SPATA6L: variants seen among roughly 807,000 people sequenced by gnomAD.
SPATA6L encodes the protein spermatogenesis associated 6-like protein.
SPATA6L carries 68 observed loss-of-function variants against 49.2 expected under a neutral mutation model. The ratio of observed to expected loss-of-function variants is 1.38; its 90% confidence interval spans 1.14 to 1.69. SPATA6L has a LOEUF of 1.69. SPATA6L is among the 40% of genes most tolerant of loss of function. The pLI is 0.00. For synonymous variants in SPATA6L, 198 were observed against 165.7 expected (o/e 1.19, Z -1.50); for missense variants, 668 against 464.3 (o/e 1.44, Z -4.03).
chr9:4,656,124 G>C (rs750232256), intron 2 of SPATA6L, 35 bp from the exon 3 acceptor site: 7 of 1,575,360 alleles, frequency 4.4e-6, no homozygotes, highest in Non-Finnish European at 6.1e-6. Flanking sequence ...AATTTTCAAA[G>C]TTGTATTAAT....
intron 5 of SPATA6L, chr9:4,626,313 CCT>C (rs1183837927): frequency 8.7e-7 from 1 of 1,151,376 alleles, no homozygotes; most frequent in Non-Finnish European, 1.1e-6. Flanking sequence ...ACCAGAGCCC[CCT>C]GTTCAGATTT....
At chr9:4,639,256 G>A (rs1833523239) in intron 3 of SPATA6L, among the ~76,000 whole-genome samples, 1 of 152,256 alleles carries the variant, frequency 6.6e-6, no homozygotes, top group South Asian at 2.1e-4. Context: ...ACACCTAGAT[G>A]CATGATATGA....
At chr9:4,661,246 T>C (rs1269178888) in intron 2 of SPATA6L, among the ~76,000 whole-genome samples, 2 of 152,250 alleles carry the variant, frequency 1.3e-5, no homozygotes, top group African/African-American at 4.8e-5. Flanking sequence ...AAGGTTAAAA[T>C]TGATTCCATC....
chr9:4,652,042 T>C (rs1189220931), intron 3 of SPATA6L, among the ~76,000 whole-genome samples: 3 of 152,180 alleles, frequency 2.0e-5, no homozygotes, highest in Non-Finnish European at 2.9e-5. Context: ...ATTTTGCATA[T>C]AGAAAATCCT....
At position 4,661,980 on chromosome 9, in the gene SPATA6L, G is replaced by C. The variant is rs374016271; in HGVS notation, c.96C>G (p.Tyr32Ter). The C allele has an allele frequency of 2.1e-5, 34 of 1,614,008 alleles. No individual in the cohort carries two copies. The African/African-American group carries it at 4.4e-4, about 21-fold the overall frequency. The change falls in exon 2 of 12, where the codon TAC becomes TAG. Residue 32 changes from tyrosine (Y) to a stop codon, truncating the protein, a stop_gained. Coordinates refer to ENST00000682582, the MANE Select transcript of SPATA6L (RefSeq NM_001353486.2). LOFTEE classifies it high-confidence loss of function. The part of the protein sequence containing the change: ...PGKQDVYLGV[Y>*]LMNQYLETNS... The stretch of plus-strand genomic sequence containing the variant: ...TGGTCTCCAGGTACTGATTCATGAG[G>C]TAGACCCCGAGGTACACATCTTGTT...
intron 4 of SPATA6L, among the ~76,000 whole-genome samples, chr9:4,632,034 CTTTTTTTT>C (rs905629115): frequency 8.8e-6 from 1 of 113,020 alleles, no homozygotes; most frequent in Non-Finnish European, 1.7e-5. Flanking sequence ...ACATCAGCTA[CTTTTTTTT>C]TTTTTTTTTT....
At chr9:4,635,175 G>A (rs1476238715) in intron 4 of SPATA6L, 100 bp downstream of exon 4, 1 of 1,292,310 alleles carries the variant, frequency 7.7e-7, no homozygotes. Flanking sequence ...AACAGCAGGG[G>A]TACTAACCAA....
At chr9:4,647,309 AG>A (rs1406933985) in intron 3 of SPATA6L, among the ~76,000 whole-genome samples, 5 of 152,278 alleles carry the variant, frequency 3.3e-5, no homozygotes, top group Middle Eastern at 3.4e-3. Flanking sequence ...TAACTTTTCA[AG>A]GCCAGGCACA....
At chr9:4,647,749 G>T (rs1201693458) in intron 3 of SPATA6L, among the ~76,000 whole-genome samples, 1 of 151,472 alleles carries the variant, frequency 6.6e-6, no homozygotes, top group Admixed American at 6.6e-5. Context: ...TAACTTAAAT[G>T]ATATATTAGG....
chr9:4,594,442 G>A (rs1822108695), downstream of SPATA6L, among the ~76,000 whole-genome samples: 1 of 152,202 alleles, frequency 6.6e-6, no homozygotes, highest in Admixed American at 6.5e-5. Flanking sequence ...TTGATCTCCT[G>A]AACTCATGAT....
chr9:4,649,839 G>A (rs950122631), intron 3 of SPATA6L, among the ~76,000 whole-genome samples: 2 of 152,188 alleles, frequency 1.3e-5, no homozygotes, highest in African/African-American at 4.8e-5. Context: ...ATTGGGAAAT[G>A]AAATGAAAAT....
rs114452011 is a variant in SPATA6L at position 4,654,047 on chromosome 9, T to C, written c.226+1994A>G. 8.2e-3 allele frequency among the ~76,000 whole-genome samples: 1,249 copies of C among 152,140 alleles called. 11 individuals are homozygous for C. The highest frequency in any genetic ancestry group is 0.028 in the African/African-American group (1,168 of 41,496). On this transcript the variant is annotated intron_variant, in intron 3 of 11. Coordinates refer to ENST00000682582, the MANE Select transcript of SPATA6L (RefSeq NM_001353486.2). ...CAAATGGCCAAATATCTCATGAAAA[T>C]GTGTTCAATATCATTAGCCATCAGG...
intron 4 of SPATA6L, among the ~76,000 whole-genome samples, chr9:4,634,831 C>T (rs1302345599): frequency 6.6e-6 from 1 of 152,132 alleles, no homozygotes; most frequent in Non-Finnish European, 1.5e-5. Context: ...TATCAATTTG[C>T]GAGCCTCTGT....
chr9:4,663,814 C>G, intron 1 of SPATA6L: 1 of 166,996 alleles, frequency 6.0e-6, no homozygotes. Context: ...CTTCTTAATC[C>G]TGATTTTCTT....
At chr9:4,638,159 T>A (rs1833182279) in intron 3 of SPATA6L, among the ~76,000 whole-genome samples, 1 of 149,830 alleles carries the variant, frequency 6.7e-6, no homozygotes, top group Admixed American at 6.6e-5. Context: ...TTACTAGGAA[T>A]AAAGAGATAG....
At chr9:4,591,300 T>A (rs1472798425) in intron 13 of SPATA6L, among the ~76,000 whole-genome samples, 1 of 152,216 alleles carries the variant, frequency 6.6e-6, no homozygotes, top group Non-Finnish European at 1.5e-5. Context: ...CCTTGTGTTG[T>A]GTTTCCAAGG....
In SPATA6L at chr9:4,618,130, A is replaced by T; in HGVS notation, c.808-20T>A. 1 of 1,572,640 alleles carries T rather than the reference A, an allele frequency of 6.4e-7. No homozygotes were observed. The highest frequency in any genetic ancestry group is 8.7e-7 in the Non-Finnish European group (1 of 1,153,662). On this transcript the variant is annotated intron_variant, in intron 8 of 11. Coordinates refer to ENST00000682582, the MANE Select transcript of SPATA6L (RefSeq NM_001353486.2). ...GATAACCTGAGTGACAATATGCATT[A>T]TTTAGTTGTAATTTTGCTTCTGTTT...
At chr9:4,621,150 C>T (rs1352786412) in intron 7 of SPATA6L, among the ~76,000 whole-genome samples, 1 of 152,156 alleles carries the variant, frequency 6.6e-6, no homozygotes, top group Admixed American at 6.5e-5. Flanking sequence ...AGAGAATGGA[C>T]CACCACCATT....
chr9:4,593,563 T>C (rs1230587419), downstream of SPATA6L, among the ~76,000 whole-genome samples: 2 of 152,180 alleles, frequency 1.3e-5, no homozygotes, highest in Non-Finnish European at 2.9e-5. Context: ...TTATTCTTTA[T>C]ACTGTGACTC....
Sources: allele counts gnomAD v4.1 joint callset (sites outside exome capture counted in the v4.1 genomes callset), GRCh38; gene constraint gnomAD v4.1.1; transcripts MANE v1.5; gene names NCBI Gene and HGNC (gene_info 2026-07-23, HGNC 2026-07-21).